DNASE1: variants seen among roughly 807,000 people sequenced by gnomAD.
DNASE1 encodes deoxyribonuclease-1.
In DNASE1, 40 loss-of-function variants were observed where a neutral mutation model predicts 33.9. The observed-to-expected ratio is 1.18, with a 90% CI of 0.92 to 1.54. The LOEUF (loss-of-function observed/expected upper bound fraction) is 1.54. Ranked by LOEUF, DNASE1 falls within the 40% of genes most tolerant of loss-of-function variation. The pLI is 0.00. For synonymous variants in DNASE1, 216 were observed against 160.0 expected, an observed-to-expected ratio of 1.35 and a Z score of -2.64; for missense variants, 518 against 372.6, an observed-to-expected ratio of 1.39 and a Z score of -3.21.
chr16:3,662,691 G>T (rs765081536), downstream of DNASE1: 36 of 698,010 alleles, frequency 5.2e-5, no homozygotes, highest in Non-Finnish European at 7.6e-5. Flanking sequence ...AGAAAGACAC[G>T]GCCTTCCTGC....
At chr16:3,647,277 T>C (rs1369055631) in intron 1 of DNASE1, among the ~76,000 whole-genome samples, 2 of 151,106 alleles carry the variant, frequency 1.3e-5, no homozygotes, top group African/African-American at 4.9e-5. Flanking sequence ...TTTTTTTTTT[T>C]TTTTTCTTTT....
chr16:3,624,478 C>T (rs897314222), intron 1 of DNASE1, among the ~76,000 whole-genome samples: 3 of 152,170 alleles, frequency 2.0e-5, no homozygotes, highest in Admixed American at 6.6e-5. Context: ...CTTCAGAATG[C>T]CCTTGCCGCC....
rs1043108054 is a variant in DNASE1 at position 3,664,309 on chromosome 16, G to C, written c.*6356G>C. Reference sequence around the variant, plus strand: ...TTCTTCTTCATGGCCTCATAGTAGGGTGAGTGCTCTGCCAGGTGACGGTTG... The same window carrying C: ...TTCTTCTTCATGGCCTCATAGTAGGCTGAGTGCTCTGCCAGGTGACGGTTG... On this transcript the variant is annotated 3_prime_UTR_variant, in exon 10 of 10. Coordinates refer to the DNASE1 transcript ENST00000407479. 2.5e-6 allele frequency: 4 copies of C among 1,610,782 alleles called. No homozygotes were observed. In the African/African-American group the frequency reaches 5.4e-5, roughly 22 times the overall value.
intron 1 of DNASE1, among the ~76,000 whole-genome samples, chr16:3,620,506 G>T (rs1421573637): frequency 6.7e-6 from 1 of 149,056 alleles, no homozygotes; most frequent in Non-Finnish European, 1.5e-5. Flanking sequence ...GTGACAGAGT[G>T]AGACCCTGTC....
chr16:3,655,572 G>A, intron 2 of DNASE1, 52 bp downstream of exon 2: 1 of 1,612,530 alleles, frequency 6.2e-7, no homozygotes. Context: ...GGAGTCTAGG[G>A]CTGGTGGGCA....
intron 1 of DNASE1, 136 bp from the exon 2 acceptor site, chr16:3,655,236 GA>G: frequency 8.1e-7 from 1 of 1,232,740 alleles, no homozygotes. Context: ...GACGTTGTAG[GA>G]AAGGGTTTCC....
chr16:3,616,764 A>T (rs1029109749), intron 1 of DNASE1, among the ~76,000 whole-genome samples: 1 of 152,230 alleles, frequency 6.6e-6, no homozygotes, highest in Admixed American at 6.5e-5. Flanking sequence ...ATAGTAATCA[A>T]GACTGTGTGG....
chr16:3,615,964 A>G (rs1416328028), intron 1 of DNASE1, among the ~76,000 whole-genome samples: 1 of 152,204 alleles, frequency 6.6e-6, no homozygotes, highest in Non-Finnish European at 1.5e-5. Context: ...GGGGTTGGGG[A>G]GACAGCAGAT....
rs530192611 is a variant in DNASE1, at chr16:3,624,521, C to T, written c.-1359+12515C>T. On this transcript the variant is annotated intron_variant and NMD_transcript_variant, in intron 1 of 11. Transcript: ENST00000570769. ...GAGTTCACAGTGGCTGAAGCTGTTC[C>T]CATAAGACCCTGAATCTAGCAGCCA... 8.5e-5 allele frequency among the ~76,000 whole-genome samples: 13 copies of T among 152,300 alleles called. No homozygotes were observed. The South Asian group carries it at 2.7e-3, about 32-fold the overall frequency.
intron 4 of DNASE1, among the ~76,000 whole-genome samples, 162 bp from the exon 5 acceptor site, chr16:3,656,476 C>T (rs1312441432): frequency 8.7e-5 from 11 of 126,362 alleles, no homozygotes; most frequent in Admixed American, 3.8e-4. Context: ...AGGTGCCTGG[C>T]TCCCCCGCCC....
intron 1 of DNASE1, among the ~76,000 whole-genome samples, chr16:3,630,285 G>T (rs1408301661): frequency 6.6e-6 from 1 of 152,002 alleles, no homozygotes; most frequent in Non-Finnish European, 1.5e-5. Context: ...GGCTCAAAAC[G>T]ATCTTCCCAC....
Position 3,657,102 on chromosome 16 carries a change from G to A in DNASE1, c.540G>A (p.Trp180Ter). The change falls in exon 6 of 9, where the codon TGG (tryptophan) becomes TGA (stop). Residue 180 changes from tryptophan (W) to a stop codon, truncating the protein, a stop_gained. Coordinates refer to ENST00000246949, the MANE Select transcript of DNASE1 (RefSeq NM_005223.4). LOFTEE classifies it high-confidence loss of function. ...YDVYLDVQEK[W>*]GLEDVMLMGD... ...TCTACCTGGATGTCCAAGAGAAATGGGGCTTGGAGGTGAGGCCCTCCCAGG... is the reference window on the plus strand; with the variant it reads ...TCTACCTGGATGTCCAAGAGAAATGAGGCTTGGAGGTGAGGCCCTCCCAGG... 6.2e-7 allele frequency: 1 copy of A among 1,614,118 alleles called. No homozygotes were observed. The highest frequency in any genetic ancestry group is 8.5e-7 in the Non-Finnish European group (1 of 1,180,012).
At chr16:3,656,312 T>C (rs2042614631) in intron 4 of DNASE1, 127 bp downstream of exon 4, 1 of 1,076,758 alleles carries the variant, frequency 9.3e-7, no homozygotes, top group South Asian at 1.3e-5. Context: ...GGGTCCAGGG[T>C]GGAGTGAAAA....
At chr16:3,663,739 G>C (rs2050750322) in exon 10 of DNASE1, 1 of 714,944 alleles carries the variant, frequency 1.4e-6, no homozygotes, top group South Asian at 1.9e-5. Context: ...TCTAAGGAAG[G>C]CTCTGACTGC....
At chr16:3,642,046 C>G (rs1312990856), upstream of DNASE1, among the ~76,000 whole-genome samples, 1 of 152,224 alleles carries the variant, frequency 6.6e-6, no homozygotes, top group East Asian at 1.9e-4. Flanking sequence ...ATGGCACTGG[C>G]AGTGGCCCCA....
chr16:3,626,604 CTGT>C, intron 1 of DNASE1, among the ~76,000 whole-genome samples: 1 of 152,274 alleles, frequency 6.6e-6, no homozygotes, highest in East Asian at 1.9e-4. Context: ...ATATATTTCT[CTGT>C]TGTTAGGTGG....
At chr16:3,639,853 G>C (rs994331318), upstream of DNASE1, among the ~76,000 whole-genome samples, 1 of 152,208 alleles carries the variant, frequency 6.6e-6, no homozygotes, top group African/African-American at 2.4e-5. Context: ...TTTGAGCTCA[G>C]GAGTTCAAGA....
chr16:3,631,161 T>A (rs575467511), intron 1 of DNASE1, among the ~76,000 whole-genome samples: 1 of 152,214 alleles, frequency 6.6e-6, no homozygotes. Flanking sequence ...TAGCTGGGAC[T>A]ACAGGCGCAT....
chr16:3,657,952 G>A lies in DNASE1; in HGVS notation c.848G>A (p.Ter283=). ...DHYPVEVMLK[*] ...TATCCAGTGGAGGTGATGCTGAAGT[G>A]AGCAGCCCCTCCCCACACCAGTTGA... The change falls in exon 9 of 9, where the codon TGA becomes TAA. Residue 283 remains the stop codon, a stop_retained_variant. Coordinates refer to ENST00000246949, the MANE Select transcript of DNASE1 (RefSeq NM_005223.4). The A allele has an allele frequency of 6.2e-7, 1 of 1,613,904 alleles. No individual in the cohort carries two copies. Among genetic ancestry groups the A allele is most frequent in the Non-Finnish European group, 8.5e-7 (1 of 1,179,944 alleles).
Sources: gnomAD v4.1 joint callset for allele counts (sites outside exome capture counted in the v4.1 genomes callset) on GRCh38, gnomAD v4.1.1 for gene constraint, MANE v1.5 for transcripts, NCBI Gene and HGNC (gene_info 2026-07-23, HGNC 2026-07-21) for gene names.